Variants in GSN observed in about 807,000 individuals in gnomAD.
The protein encoded by GSN is actin-depolymerizing factor.
GSN carries 56 observed loss-of-function variants against 85.7 expected under a neutral mutation model. The observed-to-expected ratio is 0.65, with a 90% CI of 0.53 to 0.82. GSN has a LOEUF of 0.82. Among genes scored for constraint, GSN ranks in the 40% least tolerant of loss-of-function variants. The pLI is 0.00. For synonymous variants in GSN, 373 were observed against 399.1 expected (o/e 0.93, Z 0.78); for missense variants, 857 against 979.8 (o/e 0.87, Z 1.67).
At chr9:121,219,050 T>C (rs1349733665) in intron 4 of GSN, among the ~76,000 whole-genome samples, 1 of 152,198 alleles carries the variant, frequency 6.6e-6, no homozygotes, top group Non-Finnish European at 1.5e-5. Context: ...GTCCAATATC[T>C]TTATTCAGTT....
upstream of GSN, among the ~76,000 whole-genome samples, chr9:121,266,648 C>T (rs1425430962): frequency 1.3e-5 from 2 of 152,192 alleles, no homozygotes; most frequent in Non-Finnish European, 2.9e-5. Context: ...GTAGACTGCA[C>T]AGTATCAGTA....
In GSN at chr9:121,312,377, T is replaced by C; in HGVS notation, c.552T>C (p.Tyr184=). The C allele has an allele frequency of 6.2e-7, 1 of 1,614,156 alleles. No homozygotes were observed. The stretch of plus-strand genomic sequence containing the variant: ...GGTGTGGTTCCAACAGCAATCGGTA[T>C]GAAAGACTGAAGGCCACACAGGTGT... ...HQWCGSNSNR[Y]ERLKATQVSK... Residue 184 remains tyrosine (Y), a synonymous_variant, in exon 6 of 18, where the codon TAT becomes TAC. Transcript: ENST00000432226.
At chr9:121,221,183 A>G (rs961927373) in intron 4 of GSN, among the ~76,000 whole-genome samples, 7 of 152,196 alleles carry the variant, frequency 4.6e-5, no homozygotes, top group Admixed American at 1.3e-4. Context: ...CAACCTTTCC[A>G]TGATGCCACT....
At position 121,302,985 on chromosome 9, in the gene GSN, C is replaced by T. The variant is rs146956976; in HGVS notation, c.271C>T (p.Arg91Trp). Residue 91 changes from arginine to tryptophan, a missense_variant, in exon 4 of 18, where the codon CGG becomes TGG. By Grantham distance (101) the Arg-to-Trp change is moderately radical. Transcript: ENST00000432226. ...TVQLDDYLNG[R>W]AVQHREVQGF... ...GCAGCTGGATGACTACCTGAACGGCCGGGCCGTGCAGCACCGTGAGGTCCA... is the reference window on the plus strand; with the variant it reads ...GCAGCTGGATGACTACCTGAACGGCTGGGCCGTGCAGCACCGTGAGGTCCA... The T allele has an allele frequency of 5.7e-4, 915 of 1,613,970 alleles. 1 individual carries two copies. Among genetic ancestry groups the T allele is most frequent in the Non-Finnish European group, 7.2e-4 (845 of 1,179,982 alleles).
chr9:121,299,611 C>A lies in GSN; in HGVS notation c.-9-2352C>A, dbSNP rs1352782993. Reference sequence around the variant, plus strand: ...CGTGCCTGCGCCCATTTAGTGTGCACACAGCTAGCGCCCGCCGTATGTCAG... The same window carrying A: ...CGTGCCTGCGCCCATTTAGTGTGCAAACAGCTAGCGCCCGCCGTATGTCAG... On this transcript the variant is annotated intron_variant, in intron 2 of 17. Coordinates refer to ENST00000432226, the MANE Select transcript of GSN (RefSeq NM_198252.3). The surrounding 1 kb of genome is among the most constrained non-coding windows in gnomAD (Gnocchi z 4.2). 1.4e-5 allele frequency: 7 copies of A among 513,460 alleles called. No homozygotes were observed. The highest frequency in any genetic ancestry group is 1.2e-4 in the African/African-American group (6 of 48,394). The allele number at this position is 513,460 out of a possible 1,614,324, so 31.8% of individuals were successfully genotyped here. A position where few individuals can be genotyped will look rare whatever the true frequency, so the allele number is the denominator to read the frequency against.
intron 4 of GSN, among the ~76,000 whole-genome samples, chr9:121,304,475 G>C (rs900060259): frequency 6.6e-6 from 1 of 152,248 alleles, no homozygotes; most frequent in Non-Finnish European, 1.5e-5. Context: ...GAAATGGAAC[G>C]AACACTTGCC....
intron 6 of GSN, chr9:121,313,053 T>C (rs1359816393): frequency 6.5e-6 from 1 of 154,362 alleles, no homozygotes; most frequent in Non-Finnish European, 1.4e-5. Context: ...GTGCTGTGAG[T>C]GTGAGCCGCA....
intron 10 of GSN, among the ~76,000 whole-genome samples, 188 bp from the exon 11 acceptor site, chr9:121,321,080 C>T (rs1308279997): frequency 6.6e-6 from 1 of 152,200 alleles, no homozygotes; most frequent in Non-Finnish European, 1.5e-5. Context: ...AACCCTGACC[C>T]AGAGTCCCAG....
At chr9:121,324,493 G>A in intron 11 of GSN, 61 bp from the exon 12 acceptor site, 3 of 849,942 alleles carry the variant, frequency 3.5e-6, no homozygotes, top group Non-Finnish European at 3.9e-6. Flanking sequence ...CAGACTCAGG[G>A]CAAGGGAGAG....
intron 5 of GSN, among the ~76,000 whole-genome samples, chr9:121,236,491 G>T (rs1055677689): frequency 6.6e-6 from 1 of 152,084 alleles, no homozygotes; most frequent in African/African-American, 2.4e-5. Context: ...TGGATTACAG[G>T]CATGAGCCAC....
At chr9:121,328,726 A>G (rs1023713464) in intron 14 of GSN, 165 bp from the exon 15 acceptor site, 1 of 747,262 alleles carries the variant, frequency 1.3e-6, no homozygotes, top group South Asian at 1.6e-5. Context: ...GTCACCTTCC[A>G]ATTCCCTCAG....
chr9:121,326,866 G>A, intron 13 of GSN, 184 bp downstream of exon 13: 1 of 760,292 alleles, frequency 1.3e-6, no homozygotes, highest in South Asian at 1.4e-5. Context: ...CTGTTTCAAG[G>A]ATACCCAGTG....
chr9:121,315,887 C>T (rs1003464118), intron 7 of GSN, among the ~76,000 whole-genome samples: 2 of 152,202 alleles, frequency 1.3e-5, no homozygotes, highest in Non-Finnish European at 2.9e-5. Flanking sequence ...CCACTCTGTG[C>T]CTTGGTTTCC....
chr9:121,250,893 G>A (rs1238185872), intron 6 of GSN, among the ~76,000 whole-genome samples: 1 of 147,966 alleles, frequency 6.8e-6, no homozygotes, highest in Non-Finnish European at 1.5e-5. Context: ...GTGTGTGTGT[G>A]TGTGTGTGTG....
chr9:121,298,841 A>C (rs1227793267), intron 2 of GSN, among the ~76,000 whole-genome samples: 2 of 152,136 alleles, frequency 1.3e-5, no homozygotes, highest in Non-Finnish European at 2.9e-5. Flanking sequence ...GGCCTCCTTC[A>C]GTTTGGATAG....
upstream of GSN, among the ~76,000 whole-genome samples, chr9:121,207,562 A>G (rs555518479): frequency 1.1e-4 from 17 of 152,352 alleles, no homozygotes; most frequent in African/African-American, 4.1e-4. Flanking sequence ...TATGCTCACA[A>G]AATGTACAGA....
intron 1 of GSN, among the ~76,000 whole-genome samples, chr9:121,268,493 G>C (rs975239514): frequency 2.6e-5 from 4 of 151,892 alleles, no homozygotes; most frequent in African/African-American, 7.3e-5. Context: ...GCTAGCACCT[G>C]AGCTAATAAC....
rs1310489148 is a variant in GSN at position 121,299,291 on chromosome 9, T to C, written c.-9-2672T>C. The C allele has an allele frequency of 1.0e-5, 10 of 985,244 alleles. No homozygotes were observed. The highest frequency in any genetic ancestry group is 1.2e-5 in the Non-Finnish European group (10 of 829,810). 61.0% of individuals were successfully genotyped at this position (985,244 alleles called of 1,614,324 possible). A position where few individuals can be genotyped will look rare whatever the true frequency, so the allele number is the denominator to read the frequency against. ...CCCACGGGAGCCGGGTCCCCTGCCCTGCTGCGGCGCATGCTGCCTGGTGGG... is the reference window on the plus strand; with the variant it reads ...CCCACGGGAGCCGGGTCCCCTGCCCCGCTGCGGCGCATGCTGCCTGGTGGG... On this transcript the variant is annotated intron_variant, in intron 2 of 17. Transcript: ENST00000432226. This position sits in a 1 kb window ranked among gnomAD's most constrained non-coding sequence, Gnocchi z 4.2.
At chr9:121,331,009 G>A (rs2063822767) in intron 16 of GSN, among the ~76,000 whole-genome samples, 1 of 152,196 alleles carries the variant, frequency 6.6e-6, no homozygotes, top group Non-Finnish European at 1.5e-5. Context: ...ACGTGAAGGA[G>A]CAGTGGAGTC....
Sources: allele counts gnomAD v4.1 joint callset (sites outside exome capture counted in the v4.1 genomes callset), GRCh38; gene constraint gnomAD v4.1.1; non-coding constraint Gnocchi (gnomAD v3.1); transcripts MANE v1.5; gene names NCBI Gene and HGNC (gene_info 2026-07-23, HGNC 2026-07-21).